The following SUPT3H variants were observed in gnomAD, a reference collection of about 807,000 sequenced individuals.
The protein encoded by SUPT3H is transcription initiation protein SPT3 homolog.
A neutral mutation model predicts 44.3 loss-of-function variants in SUPT3H; 44 were observed. The ratio of observed to expected loss-of-function variants is 0.99; its 90% confidence interval spans 0.78 to 1.28. The LOEUF (loss-of-function observed/expected upper bound fraction) is 1.28, where lower values mean the gene tolerates loss of function less well. SUPT3H is among the 50% of genes most tolerant of loss of function. The probability of loss-of-function intolerance (pLI) is 0.00; values close to 1 mark genes in which losing one functional copy is unlikely to be tolerated. For missense variants in SUPT3H, 380 were observed against 387.1 expected, an observed-to-expected ratio of 0.98 and a Z score of 0.15; for synonymous variants, 124 against 125.6, an observed-to-expected ratio of 0.99 and a Z score of 0.09.
chr6:44,998,194 T>C (rs941793242), intron 6 of SUPT3H, among the ~76,000 whole-genome samples: 1 of 151,856 alleles, frequency 6.6e-6, no homozygotes, highest in African/African-American at 2.4e-5. Context: ...TTGGATAGCA[T>C]GATAATTAAC....
At position 44,850,745 on chromosome 6, in the gene SUPT3H, CATCTATCTATCTATCT is replaced by C. The variant is rs56936002; in HGVS notation, c.913-20904_913-20889del. ...CTTATTTTGCTTTTGGTTTTATATA[CATCTATCTATCTATCT>C]ATCTATCTATCTATCTATCTATCTA... is the stretch of plus-strand genomic sequence containing the variant. On this transcript the variant is annotated intron_variant, in intron 10 of 10. Coordinates refer to ENST00000371459, the MANE Select transcript of SUPT3H (RefSeq NM_003599.4). Among the ~76,000 whole-genome samples, 83 of 147,554 alleles carry C rather than the reference CATCTATCTATCTATCT, an allele frequency of 5.6e-4. 1 individual carries two copies. The highest frequency in any genetic ancestry group is 2.7e-3 in the South Asian group (12 of 4,446).
chr6:45,160,655 G>A (rs1808793741), intron 2 of SUPT3H, among the ~76,000 whole-genome samples: 1 of 151,658 alleles, frequency 6.6e-6, no homozygotes, highest in African/African-American at 2.4e-5. Flanking sequence ...AAGTGAGGAA[G>A]GTAGAGTAAA....
chr6:45,040,880 T>C (rs958934288), intron 3 of SUPT3H, among the ~76,000 whole-genome samples: 116 of 152,172 alleles, frequency 7.6e-4, no homozygotes, highest in African/African-American at 2.6e-3. Context: ...CCCTCCCTTA[T>C]ATGTGAGGCC....
At chr6:44,894,534 A>T (rs989278468) in intron 10 of SUPT3H, among the ~76,000 whole-genome samples, 17 of 151,972 alleles carry the variant, frequency 1.1e-4, no homozygotes, top group African/African-American at 4.1e-4. Flanking sequence ...ATAGTTGTAG[A>T]TATGCGGTGT....
intron 10 of SUPT3H, among the ~76,000 whole-genome samples, chr6:44,870,269 CAA>C (rs1176845906): frequency 6.6e-6 from 1 of 152,052 alleles, no homozygotes; most frequent in Non-Finnish European, 1.5e-5. Flanking sequence ...AAATGATGAT[CAA>C]AAAGAGTTTC....
chr6:45,047,105 A>G (rs1240813275), intron 3 of SUPT3H, among the ~76,000 whole-genome samples: 2 of 152,148 alleles, frequency 1.3e-5, no homozygotes, highest in Non-Finnish European at 1.5e-5. Context: ...TTCTTTGGTA[A>G]ATTGTATAGG....
intron 2 of SUPT3H, among the ~76,000 whole-genome samples, chr6:45,133,836 A>AG (rs1273399392): frequency 6.6e-6 from 1 of 152,224 alleles, no homozygotes; most frequent in Admixed American, 6.5e-5. Context: ...GCACATGAAC[A>AG]GGGAGTGCCA....
intron 3 of SUPT3H, among the ~76,000 whole-genome samples, chr6:45,081,294 C>G (rs755342948): frequency 6.6e-6 from 1 of 152,004 alleles, no homozygotes; most frequent in Non-Finnish European, 1.5e-5. Context: ...TTCTGGAGTA[C>G]ATTCCAATCT....
intron 2 of SUPT3H, among the ~76,000 whole-genome samples, chr6:45,189,100 C>CCATTTCTTAGAGCCA (rs1363536208): frequency 6.6e-6 from 1 of 151,984 alleles, no homozygotes; most frequent in Non-Finnish European, 1.5e-5. Flanking sequence ...CCAGATCCGA[C>CCATTTCTTAGAGCCA]CCACTGGCCA....
intron 10 of SUPT3H, among the ~76,000 whole-genome samples, chr6:44,900,957 G>A (rs1422785375): frequency 6.6e-6 from 1 of 152,148 alleles, no homozygotes; most frequent in Non-Finnish European, 1.5e-5. Flanking sequence ...CTGCAGATGA[G>A]GGTCCTGACT....
At chr6:45,334,471 A>G (rs1471902421) in intron 2 of SUPT3H, among the ~76,000 whole-genome samples, 2 of 139,436 alleles carry the variant, frequency 1.4e-5, no homozygotes, top group African/African-American at 5.1e-5. Flanking sequence ...AAAAAAAAAG[A>G]CAAAGTTAAA....
At chr6:45,291,583 A>T (rs1017072400) in intron 2 of SUPT3H, among the ~76,000 whole-genome samples, 3 of 152,236 alleles carry the variant, frequency 2.0e-5, no homozygotes, top group Admixed American at 6.5e-5. Context: ...ATATTCAGGG[A>T]AACAGTATAA....
chr6:44,845,419 T>C (rs955033348), intron 10 of SUPT3H, among the ~76,000 whole-genome samples: 2 of 152,100 alleles, frequency 1.3e-5, no homozygotes, highest in Admixed American at 6.6e-5. Flanking sequence ...TTGATAAAGG[T>C]ATATGAAGTA....
intron 2 of SUPT3H, among the ~76,000 whole-genome samples, chr6:45,228,947 A>G (rs1767449424): frequency 1.3e-5 from 2 of 152,186 alleles, no homozygotes; most frequent in African/African-American, 4.8e-5. Flanking sequence ...ACCTAAAAAT[A>G]AATTCTTAAT....
At chr6:45,087,482 G>C (rs1485211776) in intron 3 of SUPT3H, among the ~76,000 whole-genome samples, 2 of 151,570 alleles carry the variant, frequency 1.3e-5, no homozygotes, top group Admixed American at 6.6e-5. Flanking sequence ...CAATATTTCA[G>C]ATAAAGAGTT....
chr6:45,177,807 T>C (rs972863146), intron 2 of SUPT3H, among the ~76,000 whole-genome samples: 7 of 152,170 alleles, frequency 4.6e-5, no homozygotes, highest in African/African-American at 1.7e-4. Flanking sequence ...GAATTTCATA[T>C]CCAGCCAAAG....
chr6:44,925,959 T>G (rs1251313497), intron 10 of SUPT3H, among the ~76,000 whole-genome samples: 1 of 152,150 alleles, frequency 6.6e-6, no homozygotes, highest in Non-Finnish European at 1.5e-5. Flanking sequence ...TTACACCCAT[T>G]TTTAGACCCT....
At chr6:44,892,828 C>T (rs1763516508) in intron 10 of SUPT3H, among the ~76,000 whole-genome samples, 1 of 152,146 alleles carries the variant, frequency 6.6e-6, no homozygotes, top group Non-Finnish European at 1.5e-5. Context: ...CACATGGCTT[C>T]ATCAAATCAA....
intron 9 of SUPT3H, among the ~76,000 whole-genome samples, chr6:44,950,802 T>TG (rs1480534993): frequency 6.6e-6 from 1 of 151,072 alleles, no homozygotes; most frequent in Non-Finnish European, 1.5e-5. Flanking sequence ...TTGGATCTTT[T>TG]TTTTTTTTTC....
Sources: gnomAD v4.1 joint callset for allele counts (sites outside exome capture counted in the v4.1 genomes callset) on GRCh38, gnomAD v4.1.1 for gene constraint, MANE v1.5 for transcripts, NCBI Gene and HGNC (gene_info 2026-07-23, HGNC 2026-07-21) for gene names.